The following ABCB10 variants were observed in gnomAD, a reference collection of about 807,000 sequenced individuals.
ABCB10 encodes ATP-binding cassette sub-family B member 10, mitochondrial.
In ABCB10, 54 loss-of-function variants were observed where a neutral mutation model predicts 65.4. The observed-to-expected ratio is 0.83, with a 90% CI of 0.66 to 1.04. The LOEUF (loss-of-function observed/expected upper bound fraction) is 1.04, where lower values mean the gene tolerates loss of function less well. Ranked by LOEUF, ABCB10 falls within the 50% of genes least tolerant of loss-of-function variation. The probability of loss-of-function intolerance (pLI) is 0.00; values close to 1 mark genes in which losing one functional copy is unlikely to be tolerated. For missense variants in ABCB10, 846 were observed against 976.6 expected (o/e 0.87, Z 1.78); for synonymous variants, 418 against 406.5 (o/e 1.03, Z -0.34).
intron 8 of ABCB10, among the ~76,000 whole-genome samples, chr1:229,529,667 CAAA>C (rs969766089): frequency 1.7e-4 from 4 of 23,206 alleles, no homozygotes; most frequent in Non-Finnish European, 2.4e-4. Flanking sequence ...AAGACTGTCT[CAAA>C]AAAAAAAAAA....
chr1:229,558,489 C>T lies in ABCB10; in HGVS notation c.164G>A (p.Gly55Glu). The change falls in exon 1 of 13, where the codon GGG becomes GAG. Residue 55 changes from glycine (G) to glutamate (E), a missense_variant. Physicochemically the swap from Gly to Glu is moderately conservative, Grantham distance 98 (BLOSUM62 -2). Coordinates refer to ENST00000344517, the MANE Select transcript of ABCB10 (RefSeq NM_012089.3). Reference protein sequence around the residue: ...GLRPARLWGAGPALLWGVGAA... With the variant: ...GLRPARLWGAEPALLWGVGAA... ...TCCAACGCCCCAGAGCAGCGCGGGCCCCGCGCCCCATAGCCGCGCCGGCCT... is the reference window on the plus strand; with the variant it reads ...TCCAACGCCCCAGAGCAGCGCGGGCTCCGCGCCCCATAGCCGCGCCGGCCT... 7.6e-7 allele frequency: 1 copy of T among 1,309,660 alleles called. No individual in the cohort carries two copies. The highest frequency in any genetic ancestry group is 9.7e-7 in the Non-Finnish European group (1 of 1,028,008). 81.1% of individuals were successfully genotyped at this position (1,309,660 alleles called of 1,614,324 possible).
In ABCB10 at chr1:229,518,211, G is replaced by A. The variant is rs773740175; in HGVS notation, c.2185C>T (p.Leu729=). The change falls in exon 13 of 13, where the codon CTA becomes TTA. Residue 729 remains leucine (L), a synonymous_variant. Coordinates refer to ENST00000344517, the MANE Select transcript of ABCB10 (RefSeq NM_012089.3). ...LSKPNGIYRK[L]MNKQSFISA ...GAAATAAAACTTTGTTTGTTCATTAGTTTTCTGTATATCCCATTTGGTTTT... is the reference window on the plus strand; with the variant it reads ...GAAATAAAACTTTGTTTGTTCATTAATTTTCTGTATATCCCATTTGGTTTT... 6 of 1,613,916 alleles carry A rather than the reference G, an allele frequency of 3.7e-6. No homozygotes were observed. In the East Asian group the frequency reaches 1.3e-4, roughly 36 times the overall value.
intron 4 of ABCB10, 142 bp downstream of exon 4, chr1:229,542,095 T>A: frequency 1.8e-6 from 2 of 1,141,198 alleles, no homozygotes; most frequent in Non-Finnish European, 2.4e-6. Flanking sequence ...TTAAGTTTCA[T>A]GGATCTTGGG....
intron 10 of ABCB10, among the ~76,000 whole-genome samples, chr1:229,523,456 C>G (rs1271500464): frequency 6.6e-6 from 1 of 152,224 alleles, no homozygotes; most frequent in East Asian, 1.9e-4. Context: ...GGTTCATCCT[C>G]TACATCTGAG....
intron 7 of ABCB10, among the ~76,000 whole-genome samples, chr1:229,530,989 A>G (rs917107837): frequency 6.6e-6 from 1 of 152,200 alleles, no homozygotes; most frequent in African/African-American, 2.4e-5. Context: ...TCCTAGGCCT[A>G]TCACATTGGA....
chr1:229,526,629 T>C (rs1558119785), intron 9 of ABCB10, among the ~76,000 whole-genome samples: 1 of 152,202 alleles, frequency 6.6e-6, no homozygotes, highest in East Asian at 1.9e-4. Flanking sequence ...GAGGATGAGC[T>C]AATCACAAAG....
chr1:229,523,072 G>A (rs551379868), intron 10 of ABCB10, among the ~76,000 whole-genome samples: 95 of 152,300 alleles, frequency 6.2e-4, no homozygotes, highest in Admixed American at 1.6e-3. Context: ...GGAAAAAATA[G>A]TAATATGTGT....
chr1:229,518,141 G>A lies in ABCB10; in HGVS notation c.*38C>T. On this transcript the variant is annotated 3_prime_UTR_variant, in exon 13 of 13. Transcript: ENST00000344517. ...AGTTTTTTTTCTGCAACACTGTTTT[G>A]CATTAAAGTCTCATATTGTTTACCA... 3.4e-6 allele frequency: 5 copies of A among 1,469,274 alleles called. No individual in the cohort carries two copies. Among genetic ancestry groups the A allele is most frequent in the Non-Finnish European group, 4.8e-6 (5 of 1,051,966 alleles). The allele number at this position is 1,469,274 out of a possible 1,614,324, so 91.0% of individuals were successfully genotyped here.
chr1:229,527,154 C>CAAAAA, intron 9 of ABCB10, 75 bp downstream of exon 9: 7 of 1,074,938 alleles, frequency 6.5e-6, no homozygotes, highest in African/African-American at 2.2e-5. Flanking sequence ...AAGTTCGAGA[C>CAAAAA]AAAAAAAAAA....
At chr1:229,535,946 G>A (rs28893168) in intron 6 of ABCB10, among the ~76,000 whole-genome samples, 113 of 152,038 alleles carry the variant, frequency 7.4e-4, no homozygotes, top group Admixed American at 2.0e-3. Context: ...GGCTGGTCTC[G>A]AACTCCTGGT....
chr1:229,548,926 G>A (rs1663034333), intron 2 of ABCB10, among the ~76,000 whole-genome samples: 1 of 152,146 alleles, frequency 6.6e-6, no homozygotes, highest in African/African-American at 2.4e-5. Context: ...CTCCCAAAGT[G>A]CTGGGATTAC....
Position 229,517,845 on chromosome 1 carries a change from T to G in ABCB10, c.*334A>C, listed in dbSNP as rs921603072. ...TTATTTATAATTGCCTTTTTAAAGT[T>G]GTCATTTGACAATAGCTTCAATCTT... is the stretch of plus-strand genomic sequence containing the variant. On this transcript the variant is annotated 3_prime_UTR_variant, in exon 13 of 13. Coordinates refer to ENST00000344517, the MANE Select transcript of ABCB10 (RefSeq NM_012089.3). 1 of 199,828 alleles carries G rather than the reference T, an allele frequency of 5.0e-6. No individual in the cohort carries two copies. The highest frequency in any genetic ancestry group is 2.3e-5 in the African/African-American group (1 of 42,624). 12.4% of individuals were successfully genotyped at this position (199,828 alleles called of 1,614,324 possible).
chr1:229,546,040 C>T (rs912631016), intron 3 of ABCB10, among the ~76,000 whole-genome samples: 1 of 152,090 alleles, frequency 6.6e-6, no homozygotes, highest in African/African-American at 2.4e-5. Flanking sequence ...GGCGTGGTGG[C>T]TGGCACCTAT....
At position 229,549,758 on chromosome 1, in the gene ABCB10, T is replaced by A. The variant is rs1663062199; in HGVS notation, c.518-324A>T. Reference sequence around the variant, plus strand: ...GTTCTGGCCAGCCCCTTCCTCCCCATCTCTTGATTTTGGTGTTCATCAGAT... The same window carrying A: ...GTTCTGGCCAGCCCCTTCCTCCCCAACTCTTGATTTTGGTGTTCATCAGAT... On this transcript the variant is annotated intron_variant, in intron 1 of 12. Coordinates refer to ENST00000344517, the MANE Select transcript of ABCB10 (RefSeq NM_012089.3). 6 of 259,702 alleles carry A rather than the reference T, an allele frequency of 2.3e-5. No individual in the cohort carries two copies. In the South Asian group the frequency reaches 3.4e-4, roughly 15 times the overall value. 16.1% of individuals were successfully genotyped at this position (259,702 alleles called of 1,614,324 possible).
At chr1:229,557,765 AG>A (rs753024189) in intron 1 of ABCB10, among the ~76,000 whole-genome samples, 75 of 152,184 alleles carry the variant, frequency 4.9e-4, no homozygotes, top group Admixed American at 1.8e-3. Flanking sequence ...ATAACAAAAT[AG>A]GCATATTTTT....
intron 6 of ABCB10, among the ~76,000 whole-genome samples, chr1:229,532,585 A>T (rs1283362350): frequency 1.4e-5 from 2 of 138,118 alleles, no homozygotes; most frequent in African/African-American, 2.7e-5. Context: ...TGCTATGTTT[A>T]AAAAAAAAAA....
At chr1:229,540,804 C>T (rs1230926992) in intron 4 of ABCB10, 52 bp from the exon 5 acceptor site, 1 of 1,525,332 alleles carries the variant, frequency 6.6e-7, no homozygotes, top group Non-Finnish European at 8.8e-7. Flanking sequence ...ATTTCAAGAG[C>T]TTCTAAGAAG....
chr1:229,540,393 C>G (rs1467797371), intron 5 of ABCB10, among the ~76,000 whole-genome samples: 1 of 152,234 alleles, frequency 6.6e-6, no homozygotes, highest in African/African-American at 2.4e-5. Flanking sequence ...AATCAGTGCC[C>G]GATCACACCA....
chr1:229,527,154 CAA>C (rs113863559), intron 9 of ABCB10, 73 bp downstream of exon 9: 14,493 of 1,030,500 alleles, frequency 0.014, no homozygotes, highest in South Asian at 0.021. Flanking sequence ...AAGTTCGAGA[CAA>C]AAAAAAAAAA....
Sources: gnomAD v4.1 joint callset for allele counts (sites outside exome capture counted in the v4.1 genomes callset) on GRCh38, gnomAD v4.1.1 for gene constraint, MANE v1.5 for transcripts, NCBI Gene and HGNC (gene_info 2026-07-23, HGNC 2026-07-21) for gene names.